GALNT13: variants seen among roughly 807,000 people sequenced by gnomAD.
GALNT13 encodes the protein UDP-GalNAc:polypeptide N-acetylgalactosaminyltransferase 13.
GALNT13 carries 28 observed loss-of-function variants against 64.2 expected under a neutral mutation model. The observed-to-expected ratio is 0.44, with a 90% CI of 0.32 to 0.60. The LOEUF is 0.60. Among genes scored for constraint, GALNT13 ranks in the 20% least tolerant of loss-of-function variants. GALNT13 has a pLI of 0.05. For missense variants in GALNT13, 577 were observed against 669.8 expected, an observed-to-expected ratio of 0.86 and a Z score of 1.53; for synonymous variants, 214 against 224.6, an observed-to-expected ratio of 0.95 and a Z score of 0.42.
chr2:153,578,944 G>A, the GALNT13 span, among the ~76,000 whole-genome samples: 2 of 152,266 alleles, frequency 1.3e-5, no homozygotes, highest in South Asian at 4.1e-4. Flanking sequence ...ATGGCCATCA[G>A]ACAATGAACA....
the GALNT13 span, among the ~76,000 whole-genome samples, chr2:153,770,120 G>A: frequency 6.6e-6 from 1 of 152,124 alleles, no homozygotes; most frequent in Admixed American, 6.5e-5. Flanking sequence ...GTGCCTTGAA[G>A]GCATTGTGAC....
At chr2:153,676,317 GA>G in the GALNT13 span, among the ~76,000 whole-genome samples, 4 of 152,014 alleles carry the variant, frequency 2.6e-5, no homozygotes, top group African/African-American at 9.7e-5. Flanking sequence ...GAACCAGGAA[GA>G]AATTGAAACC....
the GALNT13 span, among the ~76,000 whole-genome samples, chr2:153,636,904 A>G: frequency 1.3e-5 from 2 of 152,120 alleles, no homozygotes; most frequent in Non-Finnish European, 2.9e-5. Context: ...GACTTGATAC[A>G]TGTCTTTAAG....
the GALNT13 span, among the ~76,000 whole-genome samples, chr2:153,113,064 G>C: frequency 6.6e-6 from 1 of 152,094 alleles, no homozygotes. Context: ...AAACATGTTG[G>C]TATGTATGTC....
chr2:153,319,896 A>G, the GALNT13 span, among the ~76,000 whole-genome samples: 1 of 152,140 alleles, frequency 6.6e-6, no homozygotes, highest in Non-Finnish European at 1.5e-5. Context: ...GTGGGAGTCA[A>G]TACTTGCAGA....
intron 3 of GALNT13, among the ~76,000 whole-genome samples, chr2:153,966,556 C>G (rs1338135611): frequency 6.6e-6 from 1 of 151,658 alleles, no homozygotes; most frequent in East Asian, 1.9e-4. Flanking sequence ...TTTTAGTAGA[C>G]ACGGGGTCTC....
chr2:154,242,937 T>G, intron 6 of GALNT13, 32 bp downstream of exon 6: 7 of 1,559,370 alleles, frequency 4.5e-6, no homozygotes, highest in South Asian at 1.1e-5. Context: ...CTGCCTGGGT[T>G]ATGACTGAAC....
intron 9 of GALNT13, among the ~76,000 whole-genome samples, chr2:154,343,331 A>G (rs575009247): frequency 1.7e-4 from 26 of 152,178 alleles, no homozygotes; most frequent in Admixed American, 4.6e-4. Flanking sequence ...CTTAGTAAAT[A>G]TATATATTTG....
the GALNT13 span, among the ~76,000 whole-genome samples, chr2:153,555,320 G>C: frequency 7.6e-6 from 1 of 130,978 alleles, no homozygotes; most frequent in Non-Finnish European, 1.6e-5. Context: ...TCAGCCTCCC[G>C]AGTAGCTGGG....
At chr2:153,884,066 A>G (rs892826810) in intron 1 of GALNT13, among the ~76,000 whole-genome samples, 5 of 152,000 alleles carry the variant, frequency 3.3e-5, no homozygotes, top group African/African-American at 1.2e-4. Flanking sequence ...ATAGTAGCAT[A>G]TCACAAAATA....
At chr2:154,357,079 T>G (rs969177182) in intron 9 of GALNT13, among the ~76,000 whole-genome samples, 19 of 152,158 alleles carry the variant, frequency 1.2e-4, no homozygotes, top group African/African-American at 4.1e-4. Context: ...AACTAGAAGA[T>G]CTATCTTCTA....
intron 2 of GALNT13, among the ~76,000 whole-genome samples, chr2:153,935,823 T>C (rs140359210): frequency 6.6e-6 from 1 of 152,178 alleles, no homozygotes; most frequent in Non-Finnish European, 1.5e-5. Context: ...ACCCATCCTC[T>C]TCCCCACAAC....
chr2:153,255,691 G>C, the GALNT13 span, among the ~76,000 whole-genome samples: 3 of 152,200 alleles, frequency 2.0e-5, no homozygotes, highest in South Asian at 4.1e-4. Context: ...GCATTTGCTT[G>C]TCTGTGAAGT....
In GALNT13 at chr2:153,944,697, C is replaced by G. The variant is rs1691587314; in HGVS notation, c.142+58C>G. The G allele has an allele frequency of 6.3e-6, 9 of 1,421,472 alleles. No homozygotes were observed. In the Admixed American group the frequency reaches 1.7e-4, roughly 26 times the overall value. 88.1% of individuals were successfully genotyped at this position (1,421,472 alleles called of 1,614,324 possible). On this transcript the variant is annotated intron_variant, in intron 3 of 12. Transcript: ENST00000392825. ...AGAGATGAGAAAAGTGGTGCCTTGA[C>G]AAAATGAGAAACTTCAGAATCAGAA...
chr2:153,382,167 C>T, the GALNT13 span, among the ~76,000 whole-genome samples: 1 of 151,978 alleles, frequency 6.6e-6, no homozygotes, highest in Non-Finnish European at 1.5e-5. Context: ...TAATCCAGAG[C>T]TTCTTTATGT....
chr2:153,383,598 A>T, the GALNT13 span, among the ~76,000 whole-genome samples: 1 of 152,056 alleles, frequency 6.6e-6, no homozygotes, highest in Non-Finnish European at 1.5e-5. Flanking sequence ...TTTCAGGCTT[A>T]TCATTGGCTT....
chr2:154,183,118 T>C (rs1162754234), intron 4 of GALNT13, among the ~76,000 whole-genome samples: 1 of 152,232 alleles, frequency 6.6e-6, no homozygotes, highest in Non-Finnish European at 1.5e-5. Flanking sequence ...GAATCTTCTT[T>C]AAATATTTGT....
At chr2:153,623,208 G>A in the GALNT13 span, among the ~76,000 whole-genome samples, 1 of 152,084 alleles carries the variant, frequency 6.6e-6, no homozygotes, top group South Asian at 2.1e-4. Flanking sequence ...TAACCTATTA[G>A]GGCTCCATTC....
intron 4 of GALNT13, among the ~76,000 whole-genome samples, chr2:154,200,353 C>T (rs1687108958): frequency 6.6e-6 from 1 of 151,954 alleles, no homozygotes; most frequent in Non-Finnish European, 1.5e-5. Context: ...AAGATATGAA[C>T]TGTGGTCTGG....
Sources: gnomAD v4.1 joint callset for allele counts (sites outside exome capture counted in the v4.1 genomes callset) on GRCh38, gnomAD v4.1.1 for gene constraint, MANE v1.5 for transcripts, NCBI Gene and HGNC (gene_info 2026-07-23, HGNC 2026-07-21) for gene names.